Variants in TMEM86A observed in about 807,000 individuals in gnomAD.
TMEM86A encodes transmembrane protein 86A, also known as lysoplasmalogenase TMEM86A.
Under a neutral mutation model 19.8 loss-of-function variants are expected in TMEM86A, and 13 were observed. The observed-to-expected ratio is 0.66, with a 90% CI of 0.43 to 1.04. The LOEUF (loss-of-function observed/expected upper bound fraction) is 1.04, where lower values mean the gene tolerates loss of function less well. Among genes scored for constraint, TMEM86A ranks in the 50% least tolerant of loss-of-function variants. The pLI is 0.00. For synonymous variants in TMEM86A, 128 were observed against 129.9 expected (o/e 0.99, Z 0.10); for missense variants, 248 against 306.8 (o/e 0.81, Z 1.43).
chr11:18,704,737 A>G lies in TMEM86A; in HGVS notation c.*2728A>G, dbSNP rs1848189248. On this transcript the variant is annotated 3_prime_UTR_variant, in exon 3 of 3. Transcript: ENST00000280734. ...CAGACATTGTGCCAGGCAGTTGTGT[A>G]CTGTCTCATTTAAGCCTCATAGTCC... 3.5e-6 allele frequency: 2 copies of G among 572,360 alleles called. No individual in the cohort carries two copies. Among genetic ancestry groups the G allele is most frequent in the South Asian group, 3.9e-5 (2 of 50,740 alleles). 35.5% of individuals were successfully genotyped at this position (572,360 alleles called of 1,614,324 possible). A position where few individuals can be genotyped will look rare whatever the true frequency, so the allele number is the denominator to read the frequency against.
chr11:18,699,124 A>G lies in TMEM86A; in HGVS notation c.21+217A>G, dbSNP rs1262994347. On this transcript the variant is annotated intron_variant, in intron 1 of 2. Transcript: ENST00000280734. The surrounding 1 kb of genome is among the most constrained non-coding windows in gnomAD (Gnocchi z 4.0). ...GCGCCCCCAGCCCGCCCGCGGAGGG[A>G]GGAAAACACTGGCCACGTGACTCGG... Among the ~76,000 whole-genome samples, 1 of 152,062 alleles carries G rather than the reference A, an allele frequency of 6.6e-6. No homozygotes were observed. The highest frequency in any genetic ancestry group is 2.4e-5 in the African/African-American group (1 of 41,436).
rs962564654 is a variant in TMEM86A, at chr11:18,701,512, A to G, written c.287-61A>G. 8.7e-6 allele frequency: 13 copies of G among 1,493,186 alleles called. No homozygotes were observed. Among genetic ancestry groups the G allele is most frequent in the Non-Finnish European group, 1.2e-5 (13 of 1,110,938 alleles). 92.5% of individuals were successfully genotyped at this position (1,493,186 alleles called of 1,614,324 possible). ...CATCGCCACATCCATCCCTACCCCC[A>G]CCCTGTTACTCATTCTTCATCAAGC... On this transcript the variant is annotated intron_variant, in intron 2 of 2. Coordinates refer to ENST00000280734, the MANE Select transcript of TMEM86A (RefSeq NM_153347.3). The surrounding 1 kb of genome is among the most constrained non-coding windows in gnomAD (Gnocchi z 5.3).
rs1051077937 is a variant in TMEM86A, at chr11:18,704,509, T to G, written c.*2500T>G. On this transcript the variant is annotated 3_prime_UTR_variant, in exon 3 of 3. Coordinates refer to ENST00000280734, the MANE Select transcript of TMEM86A (RefSeq NM_153347.3). Reference sequence around the variant, plus strand: ...GATTTCTTCTGCAGACTCTCGGTGATGGATGCTACAACTGACTTATCATCT... The same window carrying G: ...GATTTCTTCTGCAGACTCTCGGTGAGGGATGCTACAACTGACTTATCATCT... 13 of 1,550,614 alleles carry G rather than the reference T, an allele frequency of 8.4e-6. No homozygotes were observed. Among genetic ancestry groups the G allele is most frequent in the Non-Finnish European group, 1.1e-5 (13 of 1,146,500 alleles).
Position 18,701,469 on chromosome 11 carries a change from A to C in TMEM86A, c.287-104A>C, listed in dbSNP as rs1452186370. On this transcript the variant is annotated intron_variant, in intron 2 of 2. Transcript: ENST00000280734. The surrounding 1 kb of genome is among the most constrained non-coding windows in gnomAD (Gnocchi z 5.3). ...TATCCCAAAGCAAAGCTGCTGGGTTATCCCAAACACTCCACTCCATCGCCA... is the reference window on the plus strand; with the variant it reads ...TATCCCAAAGCAAAGCTGCTGGGTTCTCCCAAACACTCCACTCCATCGCCA... 3.1e-6 allele frequency: 4 copies of C among 1,305,014 alleles called. No individual in the cohort carries two copies. The highest frequency in any genetic ancestry group is 1.5e-5 in the African/African-American group (1 of 67,500). 80.8% of individuals were successfully genotyped at this position (1,305,014 alleles called of 1,614,324 possible). A position where few individuals can be genotyped will look rare whatever the true frequency, so the allele number is the denominator to read the frequency against.
intron 1 of TMEM86A, 88 bp from the exon 2 acceptor site, chr11:18,700,845 G>A: frequency 1.3e-6 from 2 of 1,535,950 alleles, no homozygotes; most frequent in South Asian, 1.2e-5. Context: ...GGTATGGATG[G>A]GAGTGTCTCT....
Position 18,700,986 on chromosome 11 carries a change from T to A in TMEM86A, c.75T>A (p.Tyr25Ter). The stretch of plus-strand genomic sequence containing the variant: ...CGTTCTTCAAGGCCACCTGCGTGTA[T>A]TTTGTGCTCTGGCTGCCCTCATCTA... ...LVPFFKATCV[Y>*]FVLWLPSSSP... The change falls in exon 2 of 3, where the codon TAT becomes TAA. Residue 25 changes from tyrosine (Y) to a stop codon, truncating the protein, a stop_gained. Coordinates refer to ENST00000280734, the MANE Select transcript of TMEM86A (RefSeq NM_153347.3). LOFTEE classifies it high-confidence loss of function. 6.2e-7 allele frequency: 1 copy of A among 1,614,116 alleles called. No individual in the cohort carries two copies. Among genetic ancestry groups the A allele is most frequent in the East Asian group, 2.2e-5 (1 of 44,882 alleles).
chr11:18,701,500 A>G lies in TMEM86A; in HGVS notation c.287-73A>G. The G allele has an allele frequency of 1.0e-5, 15 of 1,464,132 alleles. No homozygotes were observed. The highest frequency in any genetic ancestry group is 2.3e-5 in the East Asian group (1 of 43,770). The allele number at this position is 1,464,132 out of a possible 1,614,324, so 90.7% of individuals were successfully genotyped here. ...AACACTCCACTCCATCGCCACATCCATCCCTACCCCCACCCTGTTACTCAT... is the reference window on the plus strand; with the variant it reads ...AACACTCCACTCCATCGCCACATCCGTCCCTACCCCCACCCTGTTACTCAT... On this transcript the variant is annotated intron_variant, in intron 2 of 2. Transcript: ENST00000280734. This position sits in a 1 kb window ranked among gnomAD's most constrained non-coding sequence, Gnocchi z 5.3.
At position 18,701,792 on chromosome 11, in the gene TMEM86A, G is replaced by A; in HGVS notation, c.506G>A (p.Gly169Glu). The A allele has an allele frequency of 6.2e-7, 1 of 1,614,130 alleles. No individual in the cohort carries two copies. Among genetic ancestry groups the A allele is most frequent in the Non-Finnish European group, 8.5e-7 (1 of 1,180,022 alleles). ...WRAMAGLRLA[G>E]ADWRWTELAA... ...GCTATGGCAGGGCTGCGGCTGGCCG[G>A]GGCAGACTGGCGCTGGACAGAGCTG... The change falls in exon 3 of 3, where the codon GGG (glycine) becomes GAG (glutamate). Residue 169 changes from glycine (G) to glutamate (E), a missense_variant. Gly to Glu is a moderately conservative substitution (Grantham distance 98, BLOSUM62 -2). Coordinates refer to ENST00000280734, the MANE Select transcript of TMEM86A (RefSeq NM_153347.3). The surrounding 1 kb of genome is among the most constrained non-coding windows in gnomAD (Gnocchi z 5.3).
At position 18,700,780 on chromosome 11, in the gene TMEM86A, C is replaced by A. The variant is rs1259391038; in HGVS notation, c.22-153C>A. ...AACCTGCTGGCTGGTAGAGGCAGGCCAGGCTGGGTTTCTCTGTGTCAGTCT... is the reference window on the plus strand; with the variant it reads ...AACCTGCTGGCTGGTAGAGGCAGGCAAGGCTGGGTTTCTCTGTGTCAGTCT... On this transcript the variant is annotated intron_variant, in intron 1 of 2. Coordinates refer to ENST00000280734, the MANE Select transcript of TMEM86A (RefSeq NM_153347.3). The A allele has an allele frequency of 8.3e-6, 9 of 1,079,644 alleles. No individual in the cohort carries two copies. The Admixed American group carries it at 1.3e-4, about 15-fold the overall frequency. 66.9% of individuals were successfully genotyped at this position (1,079,644 alleles called of 1,614,324 possible). A position where few individuals can be genotyped will look rare whatever the true frequency, so the allele number is the denominator to read the frequency against.
chr11:18,701,174 A>C lies in TMEM86A; in HGVS notation c.263A>C (p.Gln88Pro), dbSNP rs773989508. The stretch of plus-strand genomic sequence containing the variant: ...GTAGGTGACGCCTTCCTCATCTGGC[A>C]GGACCAAGGATACTTCGTGCATGGT... The part of the protein sequence containing the change: ...SAVGDAFLIW[Q>P]DQGYFVHGLL... The change falls in exon 2 of 3, where the codon CAG becomes CCG. Residue 88 changes from glutamine to proline, a missense_variant. Gln to Pro is a moderately conservative substitution (Grantham distance 76). Coordinates refer to ENST00000280734, the MANE Select transcript of TMEM86A (RefSeq NM_153347.3). This position sits in a 1 kb window ranked among gnomAD's most constrained non-coding sequence, Gnocchi z 5.3. 5.0e-6 allele frequency: 8 copies of C among 1,613,822 alleles called. No individual in the cohort carries two copies. The highest frequency in any genetic ancestry group is 6.8e-6 in the Non-Finnish European group (8 of 1,180,024).
chr11:18,702,026 C>T lies in TMEM86A; in HGVS notation c.*17C>T, dbSNP rs763866696. The T allele has an allele frequency of 4.4e-6, 7 of 1,599,552 alleles. No individual in the cohort carries two copies. The Admixed American group carries it at 8.3e-5, about 19-fold the overall frequency. Reference sequence around the variant, plus strand: ...GCCAACTGAGGTGCCAGGGTCTGGTCACCCCTCTCTCCTCCTGGGGCTGGG... The same window carrying T: ...GCCAACTGAGGTGCCAGGGTCTGGTTACCCCTCTCTCCTCCTGGGGCTGGG... On this transcript the variant is annotated 3_prime_UTR_variant, in exon 3 of 3. Coordinates refer to ENST00000280734, the MANE Select transcript of TMEM86A (RefSeq NM_153347.3).
Position 18,701,440 on chromosome 11 carries a change from C to A in TMEM86A, c.287-133C>A. 9.1e-7 allele frequency: 1 copy of A among 1,102,462 alleles called. No individual in the cohort carries two copies. 68.3% of individuals were successfully genotyped at this position (1,102,462 alleles called of 1,614,324 possible). A position where few individuals can be genotyped will look rare whatever the true frequency, so the allele number is the denominator to read the frequency against. ...TCTTTAACTTTAGATCTTCCTACCC[C>A]TGTTATCCCAAAGCAAAGCTGCTGG... On this transcript the variant is annotated intron_variant, in intron 2 of 2. Coordinates refer to ENST00000280734, the MANE Select transcript of TMEM86A (RefSeq NM_153347.3). The surrounding 1 kb of genome is among the most constrained non-coding windows in gnomAD (Gnocchi z 5.3).
At position 18,701,371 on chromosome 11, in the gene TMEM86A, A is replaced by G. The variant is rs916544066; in HGVS notation, c.286+174A>G. Among the ~76,000 whole-genome samples the G allele has an allele frequency of 3.3e-5, 5 of 152,040 alleles. No individual in the cohort carries two copies. The highest frequency in any genetic ancestry group is 1.2e-4 in the African/African-American group (5 of 41,404). Reference sequence around the variant, plus strand: ...TGTTAGGGGATGACCTCGCAGGGGAACTAGTGATCAGTTCCAGAGTCCTTC... The same window carrying G: ...TGTTAGGGGATGACCTCGCAGGGGAGCTAGTGATCAGTTCCAGAGTCCTTC... On this transcript the variant is annotated intron_variant, in intron 2 of 2. Coordinates refer to ENST00000280734, the MANE Select transcript of TMEM86A (RefSeq NM_153347.3). This position sits in a 1 kb window ranked among gnomAD's most constrained non-coding sequence, Gnocchi z 5.3.
At chr11:18,698,928 G>C in intron 1 of TMEM86A, 21 bp downstream of exon 1, 1 of 622,860 alleles carries the variant, frequency 1.6e-6, no homozygotes, top group Non-Finnish European at 2.9e-6. Context: ...GAGCGAGCGA[G>C]CCAGTGCCCG....
Position 18,702,148 on chromosome 11 carries a change from G to A in TMEM86A, c.*139G>A. On this transcript the variant is annotated 3_prime_UTR_variant, in exon 3 of 3. Transcript: ENST00000280734. ...CCTGAGGAATTTGCAAGTTCGTGTG[G>A]GGAGGCTGGAAAAGGATCTCCCTAG... 1 of 844,554 alleles carries A rather than the reference G, an allele frequency of 1.2e-6. No homozygotes were observed. Among genetic ancestry groups the A allele is most frequent in the Non-Finnish European group, 1.8e-6 (1 of 550,562 alleles). The allele number at this position is 844,554 out of a possible 1,614,324, so 52.3% of individuals were successfully genotyped here.
rs1848161857 is a variant in TMEM86A at position 18,702,601 on chromosome 11, G to GGGTGGGGACATGAAGAGA, written c.*592_*593insGGTGGGGACATGAAGAGA. ...AAGTGGTGGGTGGGGACATGAAGAG[G>GGGTGGGGACATGAAGAGA]TGTGGGTCCAGGTTAGGCAGGAGAG... is the stretch of plus-strand genomic sequence containing the variant. On this transcript the variant is annotated 3_prime_UTR_variant, in exon 3 of 3. Transcript: ENST00000280734. The GGGTGGGGACATGAAGAGA allele has an allele frequency of 6.4e-6, 1 of 157,076 alleles. No homozygotes were observed. The highest frequency in any genetic ancestry group is 1.4e-5 in the Non-Finnish European group (1 of 70,534). 9.7% of individuals were successfully genotyped at this position (157,076 alleles called of 1,614,324 possible). A position where few individuals can be genotyped will look rare whatever the true frequency, so the allele number is the denominator to read the frequency against.
rs1848132138 is a variant in TMEM86A at position 18,699,640 on chromosome 11, C to G, written c.21+733C>G. 6.6e-6 allele frequency among the ~76,000 whole-genome samples: 1 copy of G among 152,138 alleles called. No individual in the cohort carries two copies. Among genetic ancestry groups the G allele is most frequent in the Admixed American group, 6.5e-5 (1 of 15,278 alleles). ...GCTGGGCATTGTGGGCCTGGGCATC[C>G]CCTCCAGCCGCCTCCTCTGACCATG... is the stretch of plus-strand genomic sequence containing the variant. On this transcript the variant is annotated intron_variant, in intron 1 of 2. Transcript: ENST00000280734. The surrounding 1 kb of genome is among the most constrained non-coding windows in gnomAD (Gnocchi z 4.0).
chr11:18,704,108 GC>G lies in TMEM86A; in HGVS notation c.*2104del. ...GAGCAGGATGAAGTCAGCAGGACTT[GC>G]CCCCAAGCTCTGAGGGGAGGGGGAA... On this transcript the variant is annotated 3_prime_UTR_variant, in exon 3 of 3. Coordinates refer to ENST00000280734, the MANE Select transcript of TMEM86A (RefSeq NM_153347.3). 1 of 248,216 alleles carries G rather than the reference GC, an allele frequency of 4.0e-6. No individual in the cohort carries two copies. Among genetic ancestry groups the G allele is most frequent in the Non-Finnish European group, 8.0e-6 (1 of 124,550 alleles). 15.4% of individuals were successfully genotyped at this position (248,216 alleles called of 1,614,324 possible). A position where few individuals can be genotyped will look rare whatever the true frequency, so the allele number is the denominator to read the frequency against.
chr11:18,702,636 T>G lies in TMEM86A; in HGVS notation c.*627T>G, dbSNP rs1475226345. On this transcript the variant is annotated 3_prime_UTR_variant, in exon 3 of 3. Coordinates refer to ENST00000280734, the MANE Select transcript of TMEM86A (RefSeq NM_153347.3). ...AGGTTAGGCAGGAGAGAGAACTTCTTTGGTCTCGGAGTTTGGGGTCTCAAG... is the reference window on the plus strand; with the variant it reads ...AGGTTAGGCAGGAGAGAGAACTTCTGTGGTCTCGGAGTTTGGGGTCTCAAG... 1 of 154,360 alleles carries G rather than the reference T, an allele frequency of 6.5e-6. No homozygotes were observed. Among genetic ancestry groups the G allele is most frequent in the Non-Finnish European group, 1.4e-5 (1 of 69,256 alleles). The allele number at this position is 154,360 out of a possible 1,614,324, so 9.6% of individuals were successfully genotyped here.
Sources: gnomAD v4.1 joint callset for allele counts (sites outside exome capture counted in the v4.1 genomes callset) on GRCh38, gnomAD v4.1.1 for gene constraint, Gnocchi (gnomAD v3.1) non-coding constraint, MANE v1.5 for transcripts, NCBI Gene and HGNC (gene_info 2026-07-23, HGNC 2026-07-21) for gene names.